PRKAA2: variants seen among roughly 807,000 people sequenced by gnomAD.
PRKAA2 encodes the protein 5'-AMP-activated protein kinase catalytic subunit alpha-2.
A neutral mutation model predicts 56.3 loss-of-function variants in PRKAA2; 40 were observed. That is an observed-to-expected ratio of 0.71 (90% CI 0.55 to 0.92). The LOEUF (loss-of-function observed/expected upper bound fraction) is 0.92. Among genes scored for constraint, PRKAA2 ranks in the 40% least tolerant of loss-of-function variants. The pLI is 0.00. For missense variants in PRKAA2, 542 were observed against 686.9 expected, an observed-to-expected ratio of 0.79 and a Z score of 2.36; for synonymous variants, 214 against 234.2, an observed-to-expected ratio of 0.91 and a Z score of 0.79.
chr1:56,657,574 G>A (rs1169316274), intron 1 of PRKAA2, among the ~76,000 whole-genome samples: 1 of 152,136 alleles, frequency 6.6e-6, no homozygotes, highest in Non-Finnish European at 1.5e-5. Flanking sequence ...TACTCGGGAG[G>A]CTGAGGCAGG....
intron 2 of PRKAA2, among the ~76,000 whole-genome samples, chr1:56,679,752 G>A (rs1450379755): frequency 3.3e-5 from 5 of 152,014 alleles, no homozygotes; most frequent in African/African-American, 1.2e-4. Context: ...CCCTTGAACG[G>A]TATGGGTTTG....
chr1:56,684,984 C>T (rs138567655), intron 2 of PRKAA2, among the ~76,000 whole-genome samples: 623 of 152,192 alleles, frequency 4.1e-3, no homozygotes, highest in Non-Finnish European at 6.6e-3. Flanking sequence ...CAAGTCCCTT[C>T]GTAGGTGTGG....
chr1:56,664,403 TTTTTTCATAA>T (rs1644018448), intron 1 of PRKAA2, among the ~76,000 whole-genome samples: 2 of 152,160 alleles, frequency 1.3e-5, no homozygotes, highest in African/African-American at 4.8e-5. Flanking sequence ...CCATGCATAG[TTTTTTCATAA>T]TATGCATTTC....
rs575333032 is a variant in PRKAA2 at position 56,653,230 on chromosome 1, G to A, written c.94+7749G>A. 1.3e-3 allele frequency among the ~76,000 whole-genome samples: 201 copies of A among 149,882 alleles called. 3 individuals carry two copies. The highest frequency in any genetic ancestry group is 1.1e-3 in the Non-Finnish European group (73 of 67,622). On this transcript the variant is annotated intron_variant, in intron 1 of 8. Coordinates refer to ENST00000371244, the MANE Select transcript of PRKAA2 (RefSeq NM_006252.4). ...ATTATTCTCACAATTAGGTAAATAC[G>A]TGCTATTTAGGTTTCTCTTGCTGAT...
At chr1:56,687,120 G>A (rs1180861891) in intron 2 of PRKAA2, among the ~76,000 whole-genome samples, 3 of 152,018 alleles carry the variant, frequency 2.0e-5, no homozygotes, top group African/African-American at 7.2e-5. Flanking sequence ...TCGACCTCAG[G>A]TGATTCACCT....
intron 1 of PRKAA2, among the ~76,000 whole-genome samples, chr1:56,662,263 CT>C (rs1644000078): frequency 6.6e-6 from 1 of 151,818 alleles, no homozygotes; most frequent in Admixed American, 6.6e-5. Flanking sequence ...CTCTTTTTTT[CT>C]GCAGTTTAAC....
rs1644357778 is a variant in PRKAA2 at position 56,709,806 on chromosome 1, C to A, written c.*2093C>A. ...AAAAAATTGTTCATATCAAAATTACCTTATATGGATTATTGCCATGTTTTT... is the reference window on the plus strand; with the variant it reads ...AAAAAATTGTTCATATCAAAATTACATTATATGGATTATTGCCATGTTTTT... On this transcript the variant is annotated 3_prime_UTR_variant, in exon 9 of 9. Transcript: ENST00000371244. 3 of 152,036 alleles carry A rather than the reference C, an allele frequency of 2.0e-5. No homozygotes were observed. Among genetic ancestry groups the A allele is most frequent in the Admixed American group, 1.3e-4 (2 of 15,264 alleles). The allele number at this position is 152,036 out of a possible 1,614,324, so 9.4% of individuals were successfully genotyped here. A position where few individuals can be genotyped will look rare whatever the true frequency, so the allele number is the denominator to read the frequency against.
intron 2 of PRKAA2, among the ~76,000 whole-genome samples, chr1:56,688,644 A>G (rs1421595836): frequency 2.0e-5 from 3 of 152,196 alleles, no homozygotes; most frequent in Non-Finnish European, 2.9e-5. Flanking sequence ...ACTAACACTG[A>G]AAAATGTAGT....
chr1:56,707,597 T>C lies in PRKAA2; in HGVS notation c.1543T>C (p.Ser515Pro). 6.2e-7 allele frequency: 1 copy of C among 1,614,088 alleles called. No homozygotes were observed. Among genetic ancestry groups the C allele is most frequent in the Non-Finnish European group, 8.5e-7 (1 of 1,179,968 alleles). ...TTAESHSLSG[S>P]LTGSLTGSTL... is the part of the protein sequence containing the mutation. ...TGCAGAGAGCCATTCACTTTCTGGC[T>C]CTCTCACTGGCTCTTTGACCGGAAG... The change falls in exon 9 of 9, where the codon TCT (serine) becomes CCT (proline). Residue 515 changes from serine to proline, a missense_variant. Physicochemically the swap from Ser to Pro is moderately conservative, Grantham distance 74 (BLOSUM62 -1). This residue lies in a region of PRKAA2 where 158 missense variants were observed against 166.1 expected (regional missense o/e 0.95). Coordinates refer to ENST00000371244, the MANE Select transcript of PRKAA2 (RefSeq NM_006252.4).
intron 6 of PRKAA2, 123 bp downstream of exon 6, chr1:56,696,282 C>A: frequency 1.2e-6 from 1 of 804,598 alleles, no homozygotes; most frequent in Non-Finnish European, 2.0e-6. Flanking sequence ...CATGCTTCAG[C>A]CACATTGAAC....
intron 2 of PRKAA2, 74 bp from the exon 3 acceptor site, chr1:56,691,320 G>A: frequency 2.2e-6 from 2 of 925,860 alleles, no homozygotes; most frequent in Non-Finnish European, 3.3e-6. Flanking sequence ...TAAAATTGTA[G>A]CAAGAGTAGA....
chr1:56,655,145 A>G (rs571741091), intron 1 of PRKAA2, among the ~76,000 whole-genome samples: 4 of 150,688 alleles, frequency 2.7e-5, no homozygotes, highest in Non-Finnish European at 1.5e-5. Flanking sequence ...ATTTTTAAAT[A>G]TACCATACTT....
chr1:56,688,707 G>A (rs1341548652), intron 2 of PRKAA2, among the ~76,000 whole-genome samples: 4 of 152,216 alleles, frequency 2.6e-5, no homozygotes, highest in Non-Finnish European at 4.4e-5. Flanking sequence ...GATGGCAAGG[G>A]CCTGATTTAT....
chr1:56,651,502 G>A (rs1204316756), intron 1 of PRKAA2, among the ~76,000 whole-genome samples: 1 of 151,982 alleles, frequency 6.6e-6, no homozygotes, highest in African/African-American at 2.4e-5. Flanking sequence ...TCAAATTCAG[G>A]GTTCTCAGAC....
At chr1:56,687,006 T>A (rs1242114203) in intron 2 of PRKAA2, among the ~76,000 whole-genome samples, 3 of 151,666 alleles carry the variant, frequency 2.0e-5, no homozygotes, top group African/African-American at 7.3e-5. Flanking sequence ...TACCTCAGTC[T>A]CCCTAGTAGC....
At chr1:56,703,660 A>G (rs1644310989) in intron 6 of PRKAA2, among the ~76,000 whole-genome samples, 2 of 152,220 alleles carry the variant, frequency 1.3e-5, no homozygotes, top group African/African-American at 4.8e-5. Context: ...AAATAATACA[A>G]AATTTGAAAT....
At chr1:56,685,206 G>C (rs1173583297) in intron 2 of PRKAA2, among the ~76,000 whole-genome samples, 4 of 152,168 alleles carry the variant, frequency 2.6e-5, no homozygotes, top group Admixed American at 1.3e-4. Context: ...CTGAGCTCTA[G>C]AGCACTATGA....
chr1:56,655,280 A>ATATATATATATATATATTT, intron 1 of PRKAA2, among the ~76,000 whole-genome samples: 4 of 93,654 alleles, frequency 4.3e-5, no homozygotes, highest in African/African-American at 1.8e-4. Context: ...ATATATATAT[A>ATATATATATATATATATTT]TTTTTTTTTT....
rs532829029 is a variant in PRKAA2 at position 56,701,466 on chromosome 1, TTATTA to T, written c.789-2501_789-2497del. Reference sequence around the variant, plus strand: ...GCTGAACATTAATAGGTGCTTAATATTATTATATAGCCAATAAACACATGAATGAA... The same window carrying T: ...GCTGAACATTAATAGGTGCTTAATATTATAGCCAATAAACACATGAATGAA... On this transcript the variant is annotated intron_variant, in intron 6 of 8. Coordinates refer to ENST00000371244, the MANE Select transcript of PRKAA2 (RefSeq NM_006252.4). 2.8e-3 allele frequency among the ~76,000 whole-genome samples: 426 copies of T among 152,228 alleles called. 2 individuals are homozygous for T. Among genetic ancestry groups the T allele is most frequent in the African/African-American group, 9.3e-3 (385 of 41,534 alleles).
Sources: gnomAD v4.1 joint callset for allele counts (sites outside exome capture counted in the v4.1 genomes callset) on GRCh38, gnomAD v4.1.1 for gene constraint, gnomAD v4.1.1 regional missense constraint, MANE v1.5 for transcripts, NCBI Gene and HGNC (gene_info 2026-07-23, HGNC 2026-07-21) for gene names.